Variants in SOBP observed in about 807,000 individuals in gnomAD.
The protein encoded by SOBP is sine oculis binding protein homolog.
SOBP carries 4 observed loss-of-function variants against 53.6 expected under a neutral mutation model. The ratio of observed to expected loss-of-function variants is 0.07; its 90% CI spans 0.04 to 0.17. The LOEUF (loss-of-function observed/expected upper bound fraction) is 0.17, where lower values mean the gene tolerates loss of function less well. Among genes scored for constraint, SOBP ranks in the 10% least tolerant of loss-of-function variants. SOBP has a pLI of 1.00. For synonymous variants in SOBP, 584 were observed against 522.6 expected, an observed-to-expected ratio of 1.12 and a Z score of -1.60; for missense variants, 1,088 against 1,204.7, an observed-to-expected ratio of 0.90 and a Z score of 1.43.
At chr6:107,656,326 A>G (rs1772049311) in intron 6 of SOBP, among the ~76,000 whole-genome samples, 1 of 6,918 alleles carries the variant, frequency 1.4e-4, no homozygotes, top group Non-Finnish European at 3.7e-4. Flanking sequence ...AAAGAAAGAA[A>G]GAAAGAAAGA....
intron 4 of SOBP, among the ~76,000 whole-genome samples, chr6:107,563,797 C>T (rs1217030977): frequency 6.6e-6 from 1 of 152,168 alleles, no homozygotes; most frequent in Non-Finnish European, 1.5e-5. Context: ...GCCTCATAGC[C>T]ACATTTCCCA....
At chr6:107,568,262 T>C (rs1784973733) in intron 4 of SOBP, among the ~76,000 whole-genome samples, 1 of 152,210 alleles carries the variant, frequency 6.6e-6, no homozygotes, top group African/African-American at 2.4e-5. Flanking sequence ...TGGACAATGC[T>C]AGTGCTCAAC....
chr6:107,643,323 G>C (rs1487178257), intron 6 of SOBP, among the ~76,000 whole-genome samples: 1 of 152,200 alleles, frequency 6.6e-6, no homozygotes. Flanking sequence ...GTAATTTCAA[G>C]ATATTTGGAG....
chr6:107,555,346 C>T (rs1399261308), intron 4 of SOBP, among the ~76,000 whole-genome samples: 1 of 152,134 alleles, frequency 6.6e-6, no homozygotes, highest in Non-Finnish European at 1.5e-5. Context: ...CTCCTCTTTC[C>T]CATTCCACTG....
chr6:107,527,505 TA>T (rs1783697297), intron 3 of SOBP, among the ~76,000 whole-genome samples: 1 of 152,182 alleles, frequency 6.6e-6, no homozygotes, highest in African/African-American at 2.4e-5. Context: ...CCAGATTGCA[TA>T]CAGCTGACAC....
intron 2 of SOBP, among the ~76,000 whole-genome samples, chr6:107,505,974 A>G (rs920665177): frequency 1.3e-5 from 2 of 152,148 alleles, no homozygotes; most frequent in Non-Finnish European, 2.9e-5. Flanking sequence ...TTTCTATGGA[A>G]TTTTACAGTG....
In SOBP at chr6:107,490,464, C is replaced by T. The variant is rs542013315; in HGVS notation, c.-153C>T. The T allele has an allele frequency of 7.3e-4, 440 of 604,602 alleles. 1 individual carries two copies. In the African/African-American group the frequency reaches 7.4e-3, roughly 10 times the overall value. The allele number at this position is 604,602 out of a possible 1,614,324, so 37.5% of individuals were successfully genotyped here. ...GAGACCCCGCTTCTCGGCGCCTGCC[C>T]TCCCCCTCGCGGCTCGGTCCGGCCC... On this transcript the variant is annotated 5_prime_UTR_variant, in exon 1 of 7. Transcript: ENST00000317357.
At chr6:107,595,926 G>T (rs961072325) in intron 5 of SOBP, among the ~76,000 whole-genome samples, 1 of 152,148 alleles carries the variant, frequency 6.6e-6, no homozygotes, top group Non-Finnish European at 1.5e-5. Context: ...TCAAAATAAT[G>T]TATTTCATTG....
chr6:107,613,001 C>T (rs1164444955), intron 5 of SOBP, among the ~76,000 whole-genome samples: 1 of 152,160 alleles, frequency 6.6e-6, no homozygotes, highest in African/African-American at 2.4e-5. Flanking sequence ...TTGATGGATG[C>T]TTGTGTTGTT....
chr6:107,509,072 CAT>C, intron 3 of SOBP, among the ~76,000 whole-genome samples: 2 of 152,312 alleles, frequency 1.3e-5, no homozygotes, highest in South Asian at 4.1e-4. Context: ...AGCCCTACCT[CAT>C]GTGGTTGTTG....
intron 4 of SOBP, among the ~76,000 whole-genome samples, chr6:107,576,660 G>T (rs558899484): frequency 1.1e-4 from 17 of 152,330 alleles, no homozygotes; most frequent in East Asian, 3.9e-4. Context: ...AGCCAAAGCT[G>T]CAGGGAATCA....
At chr6:107,621,188 A>G in intron 5 of SOBP, 3 of 684,816 alleles carry the variant, frequency 4.4e-6, no homozygotes, top group Non-Finnish European at 5.4e-6. Flanking sequence ...TTAAATATAT[A>G]TGAATACCTA....
intron 5 of SOBP, among the ~76,000 whole-genome samples, chr6:107,587,786 G>A (rs560473644): frequency 1.5e-4 from 23 of 152,214 alleles, no homozygotes; most frequent in South Asian, 6.2e-4. Context: ...GTTCATTTTA[G>A]CATTTACAGC....
At position 107,629,935 on chromosome 6, in the gene SOBP, T is replaced by C. The variant is rs149395449; in HGVS notation, c.670-3579T>C. On this transcript the variant is annotated intron_variant, in intron 5 of 6. Coordinates refer to ENST00000317357, the MANE Select transcript of SOBP (RefSeq NM_018013.4). ...ATTTGTTTATCTCCTTTGTGATCTTTTTGTCTTCCTGGTGATACATTATGT... is the reference window on the plus strand; with the variant it reads ...ATTTGTTTATCTCCTTTGTGATCTTCTTGTCTTCCTGGTGATACATTATGT... Among the ~76,000 whole-genome samples the C allele has an allele frequency of 1.1e-4, 17 of 152,370 alleles. No homozygotes were observed. The East Asian group carries it at 3.3e-3, about 29-fold the overall frequency.
At position 107,660,183 on chromosome 6, in the gene SOBP, GT is replaced by G. The variant is rs11344446; in HGVS notation, c.*1989del. 0.047 allele frequency: 7,032 copies of G among 150,882 alleles called. 372 individuals are homozygous for G. Among genetic ancestry groups the G allele is most frequent in the East Asian group, 0.16 (805 of 5,122 alleles). The allele number at this position is 150,882 out of a possible 1,614,324, so 9.3% of individuals were successfully genotyped here. On this transcript the variant is annotated 3_prime_UTR_variant, in exon 7 of 7. Coordinates refer to ENST00000317357, the MANE Select transcript of SOBP (RefSeq NM_018013.4). ...GGCTTTTCTCATTATTATGACTACT[GT>G]TTTTTTTTGTTTTTTGTTTTTTGTT...
chr6:107,499,944 A>G (rs756263718), intron 1 of SOBP, among the ~76,000 whole-genome samples: 4 of 152,214 alleles, frequency 2.6e-5, no homozygotes, highest in Admixed American at 6.5e-5. Context: ...GTATATATAT[A>G]TGAAACAGGA....
At chr6:107,499,690 A>T (rs752067617) in intron 1 of SOBP, among the ~76,000 whole-genome samples, 14 of 152,226 alleles carry the variant, frequency 9.2e-5, no homozygotes, top group Non-Finnish European at 1.9e-4. Flanking sequence ...TTCTTATATA[A>T]GTAGAAGTTC....
chr6:107,574,698 C>T (rs557832892), intron 4 of SOBP, among the ~76,000 whole-genome samples: 1 of 152,280 alleles, frequency 6.6e-6, no homozygotes, highest in South Asian at 2.1e-4. Context: ...CCATCCTTGC[C>T]TCATCTTGGT....
intron 4 of SOBP, among the ~76,000 whole-genome samples, chr6:107,569,210 C>G (rs1034520754): frequency 6.6e-6 from 1 of 152,172 alleles, no homozygotes; most frequent in African/African-American, 2.4e-5. Flanking sequence ...CAGTGACTCT[C>G]TAAGGGCAGT....
Sources: allele counts gnomAD v4.1 joint callset (sites outside exome capture counted in the v4.1 genomes callset), GRCh38; gene constraint gnomAD v4.1.1; transcripts MANE v1.5; gene names NCBI Gene and HGNC (gene_info 2026-07-23, HGNC 2026-07-21).